The following SNTG1 variants were observed in gnomAD, a reference collection of about 807,000 sequenced individuals.
SNTG1 encodes the protein gamma-1-syntrophin.
In SNTG1, 39 loss-of-function variants were observed where a neutral mutation model predicts 74.7. That is an observed-to-expected ratio of 0.52 (90% CI 0.40 to 0.68). SNTG1 has a LOEUF of 0.68. Among genes scored for constraint, SNTG1 ranks in the 30% least tolerant of loss-of-function variants. SNTG1 has a pLI of 0.00. For synonymous variants in SNTG1, 254 were observed against 217.1 expected (o/e 1.17, Z -1.49); for missense variants, 685 against 609.5 (o/e 1.12, Z -1.30).
At chr8:49,937,518 T>C (rs1341133750) in intron 1 of SNTG1, among the ~76,000 whole-genome samples, 2 of 152,222 alleles carry the variant, frequency 1.3e-5, no homozygotes, top group Non-Finnish European at 2.9e-5. Flanking sequence ...AACTAGAACA[T>C]TTAAAATTCT....
chr8:50,104,897 CTTG>C (rs2080304569), intron 1 of SNTG1, among the ~76,000 whole-genome samples: 1 of 152,118 alleles, frequency 6.6e-6, no homozygotes, highest in South Asian at 2.1e-4. Context: ...TTGTTTTTCA[CTTG>C]TTGTTGTGAT....
At chr8:50,447,263 T>A (rs933356116) in intron 5 of SNTG1, among the ~76,000 whole-genome samples, 4 of 151,866 alleles carry the variant, frequency 2.6e-5, no homozygotes, top group East Asian at 1.9e-4. Flanking sequence ...TCTATGCATT[T>A]AAAAAAAATG....
At chr8:50,356,937 C>A (rs972656962) in intron 2 of SNTG1, among the ~76,000 whole-genome samples, 1 of 152,224 alleles carries the variant, frequency 6.6e-6, no homozygotes, top group Admixed American at 6.5e-5. Flanking sequence ...GACTTTTGGG[C>A]CTCAATGAGC....
At chr8:50,672,278 T>A (rs928454513) in intron 15 of SNTG1, among the ~76,000 whole-genome samples, 5 of 152,150 alleles carry the variant, frequency 3.3e-5, no homozygotes. Context: ...CCAAAATGGT[T>A]GAACTAATTT....
rs1054709674 is a variant in SNTG1, at chr8:50,351,042, G to A, written c.-27-43170G>A. Among the ~76,000 whole-genome samples the A allele has an allele frequency of 2.6e-5, 4 of 152,286 alleles. No individual in the cohort carries two copies. The South Asian group carries it at 6.2e-4, about 24-fold the overall frequency. ...CTTTAAGAACTGTAACACTCACTGCGAGGGTCTGCAGCTTCATTCTTGAAG... is the reference window on the plus strand; with the variant it reads ...CTTTAAGAACTGTAACACTCACTGCAAGGGTCTGCAGCTTCATTCTTGAAG... On this transcript the variant is annotated intron_variant, in intron 2 of 18. Transcript: ENST00000642720.
intron 1 of SNTG1, among the ~76,000 whole-genome samples, chr8:49,999,715 T>A (rs1166682169): frequency 6.6e-6 from 1 of 152,126 alleles, no homozygotes; most frequent in Non-Finnish European, 1.5e-5. Flanking sequence ...TGCCAGGGCT[T>A]TTTGCCCGTT....
intron 8 of SNTG1, among the ~76,000 whole-genome samples, chr8:50,467,529 T>A (rs1474191991): frequency 6.6e-6 from 1 of 151,900 alleles, no homozygotes; most frequent in East Asian, 1.9e-4. Context: ...TTTCTCTCTT[T>A]ATTTCTTGGT....
intron 6 of SNTG1, 113 bp from the exon 7 acceptor site, chr8:50,450,443 A>G (rs905090074): frequency 3.6e-6 from 4 of 1,109,114 alleles, no homozygotes; most frequent in Non-Finnish European, 3.9e-6. Context: ...TGCTAACCAT[A>G]TAAGACACTT....
intron 1 of SNTG1, among the ~76,000 whole-genome samples, chr8:49,926,784 G>C (rs1202900352): frequency 6.6e-6 from 1 of 152,116 alleles, no homozygotes; most frequent in East Asian, 1.9e-4. Flanking sequence ...GAAAGGCAAT[G>C]TCAAGAGAAT....
At chr8:50,681,367 A>G (rs1473129776) in intron 15 of SNTG1, among the ~76,000 whole-genome samples, 1 of 152,150 alleles carries the variant, frequency 6.6e-6, no homozygotes, top group Non-Finnish European at 1.5e-5. Context: ...TATATAAATA[A>G]TGGCTCTGAG....
intron 15 of SNTG1, among the ~76,000 whole-genome samples, chr8:50,692,814 C>T (rs1288126423): frequency 6.6e-6 from 1 of 152,212 alleles, no homozygotes; most frequent in African/African-American, 2.4e-5. Context: ...GAGGTTACTG[C>T]TGTCTTTTTG....
At chr8:50,547,355 G>A (rs540294615) in intron 11 of SNTG1, among the ~76,000 whole-genome samples, 11 of 152,160 alleles carry the variant, frequency 7.2e-5, no homozygotes, top group South Asian at 2.1e-4. Flanking sequence ...GTATTCCTTC[G>A]TCTGGCATAA....
At chr8:50,671,524 C>A (rs1413592355) in intron 15 of SNTG1, among the ~76,000 whole-genome samples, 1 of 151,936 alleles carries the variant, frequency 6.6e-6, no homozygotes, top group Non-Finnish European at 1.5e-5. Flanking sequence ...GAATGGCGAT[C>A]ATTAAAAAGT....
intron 8 of SNTG1, among the ~76,000 whole-genome samples, chr8:50,470,167 C>G (rs1187040027): frequency 1.3e-5 from 2 of 152,282 alleles, no homozygotes; most frequent in East Asian, 3.9e-4. Context: ...TAAATTCCCC[C>G]ATTAAGTTCT....
chr8:50,156,566 T>C lies in SNTG1; in HGVS notation c.-102-15995T>C, dbSNP rs34363536. ...ATATATAGTTATATATGTATTACTGTATACAGTTTAATATATAACCTAAAA... is the reference window on the plus strand; with the variant it reads ...ATATATAGTTATATATGTATTACTGCATACAGTTTAATATATAACCTAAAA... On this transcript the variant is annotated intron_variant, in intron 1 of 18. Coordinates refer to ENST00000642720, the MANE Select transcript of SNTG1 (RefSeq NM_018967.5). Among the ~76,000 whole-genome samples the C allele has an allele frequency of 3.5e-3, 529 of 152,210 alleles. 7 individuals are homozygous for C. The highest frequency in any genetic ancestry group is 0.022 in the Admixed American group (342 of 15,282).
chr8:49,985,377 C>T (rs776629602), intron 1 of SNTG1, among the ~76,000 whole-genome samples: 15 of 152,136 alleles, frequency 9.9e-5, no homozygotes, highest in Non-Finnish European at 1.9e-4. Flanking sequence ...ATGATCTGCC[C>T]GTCTCGGCTT....
intron 2 of SNTG1, among the ~76,000 whole-genome samples, chr8:50,326,143 C>T (rs1339406861): frequency 7.2e-5 from 11 of 151,916 alleles, no homozygotes; most frequent in Admixed American, 7.2e-4. Flanking sequence ...TGTTCACTGT[C>T]TTTGCCTGTA....
chr8:50,645,122 T>G (rs66463531), intron 13 of SNTG1, among the ~76,000 whole-genome samples: 31,957 of 151,592 alleles, frequency 0.21, 3,744 homozygotes, highest in African/African-American at 0.3. Context: ...CAGAAAAATG[T>G]TCTTTTTAAT....
chr8:50,046,647 C>T (rs1224732361), intron 1 of SNTG1, among the ~76,000 whole-genome samples: 1 of 152,032 alleles, frequency 6.6e-6, no homozygotes, highest in Non-Finnish European at 1.5e-5. Context: ...GAACCTAAAA[C>T]AAAGGAGTTC....
Sources: gnomAD v4.1 joint callset for allele counts (sites outside exome capture counted in the v4.1 genomes callset) on GRCh38, gnomAD v4.1.1 for gene constraint, MANE v1.5 for transcripts, NCBI Gene and HGNC (gene_info 2026-07-23, HGNC 2026-07-21) for gene names.